The following TRPM3 variants were observed in gnomAD, a reference collection of about 807,000 sequenced individuals.
The protein encoded by TRPM3 is transient receptor potential cation channel subfamily M member 3, also known as long transient receptor potential channel 3.
A neutral mutation model predicts 181.2 loss-of-function variants in TRPM3; 77 were observed. That is an observed-to-expected ratio of 0.42 (90% CI 0.35 to 0.51). TRPM3 has a LOEUF of 0.51. TRPM3 is among the 20% of genes least tolerant of loss of function. TRPM3 has a pLI of 0.01. For missense variants in TRPM3, 1,759 were observed against 2,196.7 expected (o/e 0.80, Z 3.98); for synonymous variants, 745 against 796.4 (o/e 0.94, Z 1.09).
chr9:71,374,833 C>T (rs185174165), intron 1 of TRPM3, among the ~76,000 whole-genome samples: 7 of 152,188 alleles, frequency 4.6e-5, no homozygotes, highest in East Asian at 1.9e-4. Flanking sequence ...CATGAATGAA[C>T]GCCCATTCAC....
At chr9:70,640,479 G>A (rs778934188) in intron 10 of TRPM3, 81 bp downstream of exon 10, 165 of 1,085,896 alleles carry the variant, frequency 1.5e-4, no homozygotes, top group Non-Finnish European at 2.1e-4. Flanking sequence ...ATCGTTTTCT[G>A]AGCTGACCTC....
chr9:70,772,301 A>G (rs1306125451), intron 7 of TRPM3, among the ~76,000 whole-genome samples: 1 of 149,010 alleles, frequency 6.7e-6, no homozygotes, highest in Non-Finnish European at 1.5e-5. Context: ...GATATGGAAG[A>G]TCTCTGTCAT....
chr9:71,196,963 C>T (rs1420818128), intron 1 of TRPM3, among the ~76,000 whole-genome samples: 2 of 3,694 alleles, frequency 5.4e-4, no homozygotes, highest in Non-Finnish European at 0.027. Flanking sequence ...TGGTGTGCTG[C>T]ACCCATTACT....
chr9:70,881,063 T>C (rs2095982626), intron 1 of TRPM3, among the ~76,000 whole-genome samples: 1 of 152,172 alleles, frequency 6.6e-6, no homozygotes, highest in African/African-American at 2.4e-5. Context: ...TTTTTTAAAA[T>C]GACTTACAAG....
intron 7 of TRPM3, among the ~76,000 whole-genome samples, chr9:70,763,843 A>C (rs2078606204): frequency 6.6e-6 from 1 of 152,178 alleles, no homozygotes; most frequent in African/African-American, 2.4e-5. Context: ...AATTTAATCT[A>C]ATCTAAGGGG....
At chr9:71,432,051 T>C (rs1306313895) in intron 1 of TRPM3, among the ~76,000 whole-genome samples, 1 of 152,204 alleles carries the variant, frequency 6.6e-6, no homozygotes, top group Non-Finnish European at 1.5e-5. Flanking sequence ...TCTATGTACA[T>C]ATAAGGATTT....
At chr9:70,963,931 C>T (rs1262255850) in intron 1 of TRPM3, among the ~76,000 whole-genome samples, 1 of 151,964 alleles carries the variant, frequency 6.6e-6, no homozygotes, top group Non-Finnish European at 1.5e-5. Flanking sequence ...GATTCTACCA[C>T]CTTTATATTT....
At chr9:71,000,213 C>G (rs746756534) in intron 1 of TRPM3, among the ~76,000 whole-genome samples, 1 of 152,156 alleles carries the variant, frequency 6.6e-6, no homozygotes, top group African/African-American at 2.4e-5. Context: ...ACACATTCAT[C>G]GGTTTTGGCT....
intron 1 of TRPM3, among the ~76,000 whole-genome samples, chr9:71,031,301 A>C (rs572743802): frequency 6.6e-5 from 10 of 152,306 alleles, no homozygotes; most frequent in African/African-American, 2.4e-4. Flanking sequence ...GCAGTGCTTA[A>C]AATTAGATTG....
intron 6 of TRPM3, among the ~76,000 whole-genome samples, chr9:70,794,806 T>C (rs149577670): frequency 1.3e-5 from 2 of 152,272 alleles, no homozygotes; most frequent in African/African-American, 4.8e-5. Context: ...GCTAACGACA[T>C]ATAAGCTGGA....
chr9:70,541,752 C>A (rs939488981), intron 25 of TRPM3, among the ~76,000 whole-genome samples: 1 of 152,110 alleles, frequency 6.6e-6, no homozygotes, highest in Non-Finnish European at 1.5e-5. Flanking sequence ...CTCAGGTGAT[C>A]CGCCTGCCTC....
At chr9:71,308,555 A>G (rs2087605583) in intron 1 of TRPM3, among the ~76,000 whole-genome samples, 1 of 152,190 alleles carries the variant, frequency 6.6e-6, no homozygotes, top group African/African-American at 2.4e-5. Flanking sequence ...ACTCTTAAAG[A>G]ACCTAATCAT....
intron 1 of TRPM3, among the ~76,000 whole-genome samples, chr9:71,114,952 TCATA>T (rs1397606651): frequency 4.6e-5 from 7 of 152,052 alleles, no homozygotes; most frequent in African/African-American, 1.7e-4. Context: ...AGAGAAATGA[TCATA>T]CAAACAGAAA....
At chr9:70,667,992 C>T (rs1024042792) in intron 9 of TRPM3, among the ~76,000 whole-genome samples, 1 of 152,186 alleles carries the variant, frequency 6.6e-6, no homozygotes, top group Admixed American at 6.5e-5. Flanking sequence ...TAAAACTGGT[C>T]ATGCTTGTTT....
intron 8 of TRPM3, among the ~76,000 whole-genome samples, chr9:70,682,776 A>AAT (rs1189383872): frequency 6.6e-6 from 1 of 152,216 alleles, no homozygotes; most frequent in Non-Finnish European, 1.5e-5. Flanking sequence ...ATATTGCTTG[A>AAT]ATATCCACAT....
chr9:70,746,931 G>T (rs753776717), intron 8 of TRPM3, among the ~76,000 whole-genome samples: 23 of 152,104 alleles, frequency 1.5e-4, no homozygotes, highest in Non-Finnish European at 3.4e-4. Flanking sequence ...GGATGGGCCT[G>T]GATCAAATCC....
chr9:71,056,688 G>A (rs1417927933), intron 1 of TRPM3, among the ~76,000 whole-genome samples: 3 of 152,042 alleles, frequency 2.0e-5, no homozygotes, highest in African/African-American at 7.2e-5. Flanking sequence ...GGCATAGAGG[G>A]AAGACTATAA....
At chr9:70,591,234 A>G (rs1329511650) in intron 21 of TRPM3, 29 bp from the exon 22 acceptor site, 1 of 1,585,700 alleles carries the variant, frequency 6.3e-7, no homozygotes, top group Non-Finnish European at 8.7e-7. Context: ...AGAGGGAGAA[A>G]CAAGAGAAAA....
In TRPM3 at chr9:70,567,928, G is replaced by A. The variant is rs536021717; in HGVS notation, c.3224-14618C>T. ...ATTCTCAATGATCATACAAATATAC[G>A]CATACACACACAGGAGAGAGAGAAG... On this transcript the variant is annotated intron_variant, in intron 22 of 25. Coordinates refer to ENST00000677713, the MANE Select transcript of TRPM3 (RefSeq NM_001366145.2). 6.6e-5 allele frequency among the ~76,000 whole-genome samples: 10 copies of A among 152,042 alleles called. No homozygotes were observed. The South Asian group carries it at 8.3e-4, about 13-fold the overall frequency.
Sources: allele counts gnomAD v4.1 joint callset (sites outside exome capture counted in the v4.1 genomes callset), GRCh38; gene constraint gnomAD v4.1.1; transcripts MANE v1.5; gene names NCBI Gene and HGNC (gene_info 2026-07-23, HGNC 2026-07-21).